RBFOX1: variants seen among roughly 807,000 people sequenced by gnomAD.
RBFOX1 encodes RNA binding fox-1 homolog 1.
Under a neutral mutation model 57.7 loss-of-function variants are expected in RBFOX1, and 8 were observed. The observed-to-expected ratio is 0.14, with a 90% CI of 0.08 to 0.25. RBFOX1 has a LOEUF of 0.25. Among genes scored for constraint, RBFOX1 ranks in the 10% least tolerant of loss-of-function variants. The pLI, the probability that RBFOX1 is intolerant of heterozygous loss-of-function variation, is 1.00. For missense variants in RBFOX1, 611 were observed against 548.5 expected, an observed-to-expected ratio of 1.11 and a Z score of -1.14; for synonymous variants, 326 against 222.4, an observed-to-expected ratio of 1.47 and a Z score of -4.15.
intron 4 of RBFOX1, among the ~76,000 whole-genome samples, chr16:7,485,291 C>G (rs2065096784): frequency 6.6e-6 from 1 of 152,228 alleles, no homozygotes; most frequent in Non-Finnish European, 1.5e-5. Context: ...TGTTTCCAGG[C>G]AGACCACGCA....
At chr16:7,627,332 G>C (rs11862929) in intron 10 of RBFOX1, among the ~76,000 whole-genome samples, 29,788 of 152,012 alleles carry the variant, frequency 0.2, 4,613 homozygotes, top group African/African-American at 0.43. Context: ...GAGGATTCCA[G>C]GCCAATAGGA....
At chr16:6,334,507 C>CAA (rs35514991) in intron 2 of RBFOX1, among the ~76,000 whole-genome samples, 48,512 of 115,422 alleles carry the variant, frequency 0.42, 11,104 homozygotes, top group Middle Eastern at 0.6. Flanking sequence ...GATAGCATCT[C>CAA]AAAAAAAAAA....
intron 3 of RBFOX1, among the ~76,000 whole-genome samples, chr16:7,018,171 C>T (rs757682704): frequency 2.6e-5 from 4 of 152,050 alleles, no homozygotes; most frequent in Non-Finnish European, 4.4e-5. Flanking sequence ...TGAATTTCCA[C>T]GAGCCGTGCA....
intron 5 of RBFOX1, among the ~76,000 whole-genome samples, chr16:7,568,350 C>T (rs1034266976): frequency 6.6e-6 from 1 of 152,046 alleles, no homozygotes; most frequent in African/African-American, 2.4e-5. Flanking sequence ...TCTTTTAGAC[C>T]ACATAGGGTA....
At chr16:7,648,663 G>C (rs1214025343) in intron 11 of RBFOX1, among the ~76,000 whole-genome samples, 1 of 152,154 alleles carries the variant, frequency 6.6e-6, no homozygotes, top group Non-Finnish European at 1.5e-5. Context: ...TTGTTGCTGG[G>C]TTGTCAGAGA....
intron 4 of RBFOX1, among the ~76,000 whole-genome samples, chr16:7,482,447 G>T (rs1760059003): frequency 6.7e-6 from 1 of 148,260 alleles, no homozygotes; most frequent in Admixed American, 6.8e-5. Flanking sequence ...TACCTCTTCA[G>T]CCCCTCCTTC....
intron 3 of RBFOX1, among the ~76,000 whole-genome samples, chr16:5,720,180 G>T (rs566819539): frequency 6.6e-6 from 1 of 152,124 alleles, no homozygotes; most frequent in Non-Finnish European, 1.5e-5. Flanking sequence ...TAATGATATT[G>T]AACATTGTGT....
At position 7,562,739 on chromosome 16, in the gene RBFOX1, A is replaced by T. The variant is rs533081756; in HGVS notation, c.271-17038A>T. On this transcript the variant is annotated intron_variant, in intron 5 of 15. Transcript: ENST00000550418. ...AAGAAGCTTCTTCCCCAGTGGGGGA[A>T]GGAGGAGGAAGGTCCCAGAGGTTGC... Among the ~76,000 whole-genome samples the T allele has an allele frequency of 1.6e-4, 24 of 152,314 alleles. No individual in the cohort carries two copies. In the South Asian group the frequency reaches 5.0e-3, roughly 32 times the overall value.
At chr16:5,580,122 C>T (rs1195915648) in intron 2 of RBFOX1, among the ~76,000 whole-genome samples, 1 of 152,164 alleles carries the variant, frequency 6.6e-6, no homozygotes, top group Non-Finnish European at 1.5e-5. Flanking sequence ...TTGTAAGCCC[C>T]AAGAGGGCCT....
intron 2 of RBFOX1, among the ~76,000 whole-genome samples, chr16:6,540,655 G>T (rs963366873): frequency 1.4e-5 from 2 of 144,640 alleles, no homozygotes; most frequent in Admixed American, 1.4e-4. Context: ...GTCAGTCTCT[G>T]TACAGACGTT....
At chr16:7,047,451 C>T (rs1370968280) in intron 3 of RBFOX1, among the ~76,000 whole-genome samples, 2 of 152,066 alleles carry the variant, frequency 1.3e-5, no homozygotes, top group African/African-American at 2.4e-5. Context: ...CCCTTACAAG[C>T]ATTGCATTGT....
At chr16:6,259,958 CAA>C (rs57516778) in intron 1 of RBFOX1, among the ~76,000 whole-genome samples, 33 of 70,028 alleles carry the variant, frequency 4.7e-4, no homozygotes, top group East Asian at 4.1e-4. Context: ...GAGACTGTCT[CAA>C]AAAAAAAAAA....
intron 3 of RBFOX1, among the ~76,000 whole-genome samples, chr16:6,748,741 AT>A (rs1426534957): frequency 6.6e-6 from 1 of 152,182 alleles, no homozygotes; most frequent in African/African-American, 2.4e-5. Context: ...GAGTATATAG[AT>A]TTTGAAGTTG....
chr16:7,455,010 T>C (rs2058212537), intron 4 of RBFOX1, among the ~76,000 whole-genome samples: 1 of 152,220 alleles, frequency 6.6e-6, no homozygotes. Flanking sequence ...CATGGGTTCA[T>C]TTATTGATTT....
At chr16:6,417,411 A>AT (rs2093653406) in intron 2 of RBFOX1, among the ~76,000 whole-genome samples, 2 of 119,386 alleles carry the variant, frequency 1.7e-5, no homozygotes, top group East Asian at 5.2e-4. Flanking sequence ...AAATGTGTTT[A>AT]CTTTTTTTTT....
chr16:5,935,792 A>G (rs1328727994), intron 4 of RBFOX1, among the ~76,000 whole-genome samples: 1 of 152,218 alleles, frequency 6.6e-6, no homozygotes, highest in Non-Finnish European at 1.5e-5. Flanking sequence ...TCAAGTCTCC[A>G]CATCCAATGG....
At chr16:7,227,494 G>T (rs1481108676) in intron 4 of RBFOX1, among the ~76,000 whole-genome samples, 2 of 152,148 alleles carry the variant, frequency 1.3e-5, no homozygotes, top group Non-Finnish European at 2.9e-5. Context: ...TTATCTAACT[G>T]TCTCTACTGA....
intron 3 of RBFOX1, among the ~76,000 whole-genome samples, chr16:6,988,325 A>G (rs867187307): frequency 9.2e-5 from 14 of 152,164 alleles, no homozygotes; most frequent in African/African-American, 2.9e-4. Context: ...TGTGATGATG[A>G]AAGTGTTTAT....
intron 4 of RBFOX1, among the ~76,000 whole-genome samples, chr16:6,008,434 G>C (rs1292803233): frequency 2.0e-5 from 3 of 152,150 alleles, no homozygotes; most frequent in African/African-American, 7.2e-5. Flanking sequence ...CTTTAGTGGA[G>C]TGGTGTGAAT....
Sources: gnomAD v4.1 joint callset for allele counts (sites outside exome capture counted in the v4.1 genomes callset) on GRCh38, gnomAD v4.1.1 for gene constraint, MANE v1.5 for transcripts, NCBI Gene and HGNC (gene_info 2026-07-23, HGNC 2026-07-21) for gene names.